The following ZNF69 variants were observed in gnomAD, a reference collection of about 807,000 sequenced individuals.
ZNF69 encodes zinc finger protein 69.
In ZNF69, 47 loss-of-function variants were observed where a neutral mutation model predicts 50.9. The observed-to-expected ratio is 0.92, with a 90% CI of 0.73 to 1.18. The LOEUF is 1.18. ZNF69 is among the 50% of genes most tolerant of loss of function. The pLI is 0.00. For missense variants in ZNF69, 717 were observed against 675.1 expected (o/e 1.06, Z -0.69); for synonymous variants, 216 against 223.1 (o/e 0.97, Z 0.29).
At chr19:11,974,704 A>G in the ZNF69 span, among the ~76,000 whole-genome samples, 14 of 151,266 alleles carry the variant, frequency 9.3e-5, no homozygotes, top group African/African-American at 3.4e-4. Flanking sequence ...CCAGATTCAA[A>G]CAATTCTCCC....
downstream of ZNF69, among the ~76,000 whole-genome samples, chr19:11,916,970 G>C (rs555727025): frequency 6.6e-6 from 1 of 152,044 alleles, no homozygotes; most frequent in Non-Finnish European, 1.5e-5. Flanking sequence ...GTCCTGAGTT[G>C]TATCCTTCAT....
chr19:11,948,489 G>A, the ZNF69 span: 51 of 1,613,962 alleles, frequency 3.2e-5, no homozygotes, highest in Non-Finnish European at 4.1e-5. Flanking sequence ...AGGCATATGA[G>A]TATCAGGAAT....
chr19:11,914,347 G>C (rs1329904183), downstream of ZNF69: 1 of 152,096 alleles, frequency 6.6e-6, no homozygotes, highest in African/African-American at 2.4e-5. Context: ...GACTTGTGGT[G>C]AGGGGAGGTC....
chr19:11,922,114 CAATGTTG>C, the ZNF69 span, among the ~76,000 whole-genome samples: 94 of 150,548 alleles, frequency 6.2e-4, no homozygotes, highest in Admixed American at 4.3e-3. Flanking sequence ...CCTTCCAGAG[CAATGTTG>C]AAGGAAAAAA....
the ZNF69 span, among the ~76,000 whole-genome samples, chr19:11,940,373 G>A: frequency 1.3e-5 from 2 of 152,144 alleles, no homozygotes; most frequent in African/African-American, 4.8e-5. Flanking sequence ...TCTGGAGTTT[G>A]TTCCTTCTGA....
At chr19:11,944,796 G>A in the ZNF69 span, among the ~76,000 whole-genome samples, 1 of 152,224 alleles carries the variant, frequency 6.6e-6, no homozygotes, top group Non-Finnish European at 1.5e-5. Flanking sequence ...ATACATCGCT[G>A]TGCCACTGTT....
the ZNF69 span, among the ~76,000 whole-genome samples, chr19:11,954,373 CAGACTTTCATTT>C: frequency 6.6e-6 from 1 of 152,142 alleles, no homozygotes; most frequent in African/African-American, 2.4e-5. Context: ...GCTTTTCATT[CAGACTTTCATTT>C]AGAATTTTAA....
chr19:11,935,277 C>A, the ZNF69 span, among the ~76,000 whole-genome samples: 1 of 128,836 alleles, frequency 7.8e-6, no homozygotes, highest in Non-Finnish European at 1.6e-5. Context: ...GGCTCTGTTG[C>A]CCAGTCTGGA....
chr19:11,927,926 A>G, the ZNF69 span, among the ~76,000 whole-genome samples: 1 of 152,026 alleles, frequency 6.6e-6, no homozygotes, highest in Non-Finnish European at 1.5e-5. Flanking sequence ...CTTCCCTAAC[A>G]CTTGTATAGG....
chr19:11,906,951 A>G (rs1449243736), downstream of ZNF69, among the ~76,000 whole-genome samples: 1 of 152,226 alleles, frequency 6.6e-6, no homozygotes, highest in Non-Finnish European at 1.5e-5. Context: ...CAAAATGGCT[A>G]ACTAGAATAA....
chr19:11,933,698 T>A, the ZNF69 span, among the ~76,000 whole-genome samples: 1 of 148,024 alleles, frequency 6.8e-6, no homozygotes, highest in Non-Finnish European at 1.5e-5. Context: ...CCTTTGTTGC[T>A]TGACAACTCA....
At chr19:11,962,724 T>G in the ZNF69 span, among the ~76,000 whole-genome samples, 7 of 152,140 alleles carry the variant, frequency 4.6e-5, no homozygotes, top group African/African-American at 1.7e-4. Context: ...TATAGAGCAG[T>G]TAACCGGAAC....
chr19:11,944,422 G>C, the ZNF69 span, among the ~76,000 whole-genome samples: 1 of 151,996 alleles, frequency 6.6e-6, no homozygotes, highest in Non-Finnish European at 1.5e-5. Context: ...CCACCTTTCC[G>C]GAACTCTGAG....
At chr19:11,944,172 A>G in the ZNF69 span, among the ~76,000 whole-genome samples, 2 of 151,846 alleles carry the variant, frequency 1.3e-5, no homozygotes, top group Admixed American at 1.3e-4. Context: ...TGTTCGTGTA[A>G]TTTTTCGTAA....
At position 11,905,404 on chromosome 19, in the gene ZNF69, A is replaced by G. The variant is rs775876290; in HGVS notation, c.1007A>G (p.Gln336Arg). The G allele has an allele frequency of 1.2e-6, 2 of 1,614,228 alleles. No individual in the cohort carries two copies. Among genetic ancestry groups the G allele is most frequent in the South Asian group, 1.1e-5 (1 of 91,084 alleles). Residue 336 changes from glutamine to arginine, a missense_variant, in exon 4 of 4, where the codon CAG becomes CGG. Physicochemically the swap from Gln to Arg is conservative, Grantham distance 43. Coordinates refer to ENST00000429654, the MANE Select transcript of ZNF69 (RefSeq NM_001364730.1). The part of the protein sequence containing the change: ...HSRKKPYECT[Q>R]CGKALSSLTS... The stretch of plus-strand genomic sequence containing the variant: ...AGGAAAAAACCCTATGAATGTACGC[A>G]GTGTGGGAAAGCATTATCCTCTCTT...
chr19:11,977,519 T>A, the ZNF69 span: 2 of 1,473,194 alleles, frequency 1.4e-6, no homozygotes, highest in Non-Finnish European at 1.9e-6. Context: ...AAGAACTAAG[T>A]CCAGTATCAA....
At chr19:11,937,777 C>T in the ZNF69 span, among the ~76,000 whole-genome samples, 10 of 152,178 alleles carry the variant, frequency 6.6e-5, no homozygotes, top group South Asian at 4.1e-4. Flanking sequence ...TGTGAGCCAC[C>T]GCACCTGGCC....
the ZNF69 span, chr19:11,950,067 T>C: frequency 6.2e-7 from 1 of 1,614,180 alleles, no homozygotes; most frequent in Non-Finnish European, 8.5e-7. Context: ...GTAAGCATTG[T>C]GGGAATGGAT....
the ZNF69 span, among the ~76,000 whole-genome samples, chr19:11,921,331 G>A: frequency 3.3e-5 from 5 of 151,516 alleles, no homozygotes; most frequent in East Asian, 5.8e-4. Context: ...CACTATGCCC[G>A]GCTGTTTTTA....
Sources: gnomAD v4.1 joint callset for allele counts (sites outside exome capture counted in the v4.1 genomes callset) on GRCh38, gnomAD v4.1.1 for gene constraint, MANE v1.5 for transcripts, NCBI Gene and HGNC (gene_info 2026-07-23, HGNC 2026-07-21) for gene names.